The following SLC24A2 variants were observed in gnomAD, a reference collection of about 807,000 sequenced individuals.
SLC24A2 encodes solute carrier family 24 member 2.
A neutral mutation model predicts 62.0 loss-of-function variants in SLC24A2; 36 were observed. The ratio of observed to expected loss-of-function variants is 0.58; its 90% CI spans 0.44 to 0.77. The LOEUF is 0.77. Ranked by LOEUF, SLC24A2 falls within the 30% of genes least tolerant of loss-of-function variation. SLC24A2 has a pLI of 0.00. For synonymous variants in SLC24A2, 358 were observed against 294.0 expected (o/e 1.22, Z -2.23); for missense variants, 846 against 817.9 (o/e 1.03, Z -0.42).
At chr9:20,180,340 T>C in the SLC24A2 span, among the ~76,000 whole-genome samples, 268 of 152,312 alleles carry the variant, frequency 1.8e-3, 3 homozygotes, top group African/African-American at 5.7e-3. Context: ...TATCTCTTAA[T>C]AAATGGATGT....
chr9:19,597,357 TA>T, intron 4 of SLC24A2, 78 bp from the exon 5 acceptor site: 1 of 986,474 alleles, frequency 1.0e-6, no homozygotes, highest in South Asian at 1.3e-5. Context: ...CATTTTTAAT[TA>T]ATCAGATTCA....
chr9:19,551,696 C>T (rs1834854706), intron 7 of SLC24A2, among the ~76,000 whole-genome samples: 1 of 152,200 alleles, frequency 6.6e-6, no homozygotes, highest in South Asian at 2.1e-4. Context: ...GCACCTGTGT[C>T]CCTACAGAGG....
the SLC24A2 span, among the ~76,000 whole-genome samples, chr9:20,027,988 A>C: frequency 1.3e-5 from 2 of 152,232 alleles, no homozygotes. Flanking sequence ...TCGTTAAATA[A>C]GAGAATGTGA....
the SLC24A2 span, among the ~76,000 whole-genome samples, chr9:20,057,135 T>G: frequency 6.6e-6 from 1 of 152,252 alleles, no homozygotes; most frequent in Non-Finnish European, 1.5e-5. Context: ...ACATCACCTA[T>G]ATATTCACAA....
At chr9:20,207,679 T>C in the SLC24A2 span, among the ~76,000 whole-genome samples, 2 of 152,228 alleles carry the variant, frequency 1.3e-5, no homozygotes, top group Non-Finnish European at 2.9e-5. Context: ...TGAACTGAAA[T>C]GCTTTATATC....
At chr9:19,991,862 TAA>T in the SLC24A2 span, among the ~76,000 whole-genome samples, 2 of 152,088 alleles carry the variant, frequency 1.3e-5, no homozygotes, top group African/African-American at 4.8e-5. Context: ...GAGCAAGACT[TAA>T]ACTGAGTCTT....
the SLC24A2 span, among the ~76,000 whole-genome samples, chr9:20,174,549 T>A: frequency 6.6e-6 from 1 of 151,102 alleles, no homozygotes; most frequent in African/African-American, 2.4e-5. Context: ...AGGACATGAA[T>A]AGACATTTCC....
chr9:19,688,963 T>C (rs1819964908), intron 2 of SLC24A2, among the ~76,000 whole-genome samples: 1 of 152,178 alleles, frequency 6.6e-6, no homozygotes, highest in South Asian at 2.1e-4. Flanking sequence ...CTTTAGATTC[T>C]ATGAAACAGA....
chr9:20,185,346 TTTG>T, the SLC24A2 span, among the ~76,000 whole-genome samples: 3 of 152,052 alleles, frequency 2.0e-5, no homozygotes, highest in Non-Finnish European at 4.4e-5. Flanking sequence ...TACAATATTA[TTTG>T]TTAATATAAA....
chr9:20,196,486 A>C, the SLC24A2 span, among the ~76,000 whole-genome samples: 2 of 152,214 alleles, frequency 1.3e-5, no homozygotes, highest in South Asian at 4.1e-4. Flanking sequence ...TTTAAAAATC[A>C]GTGGATTCCA....
At chr9:20,307,428 C>T in the SLC24A2 span, among the ~76,000 whole-genome samples, 1 of 152,164 alleles carries the variant, frequency 6.6e-6, no homozygotes, top group African/African-American at 2.4e-5. Flanking sequence ...CCAATTCCAC[C>T]CACATTTGGG....
intron 2 of SLC24A2, among the ~76,000 whole-genome samples, chr9:19,774,033 A>G (rs1391009419): frequency 6.6e-6 from 1 of 152,164 alleles, no homozygotes; most frequent in East Asian, 1.9e-4. Context: ...GGGAGACATC[A>G]AGAGAGAGGT....
intron 2 of SLC24A2, among the ~76,000 whole-genome samples, chr9:19,779,456 T>A (rs1384123311): frequency 1.3e-5 from 2 of 152,218 alleles, no homozygotes; most frequent in Non-Finnish European, 2.9e-5. Context: ...AATATTATTA[T>A]CGAAATTGGA....
chr9:19,833,564 A>G, the SLC24A2 span, among the ~76,000 whole-genome samples: 2 of 152,228 alleles, frequency 1.3e-5, no homozygotes. Context: ...TGAGGAGGTA[A>G]ACAAAGCAGC....
the SLC24A2 span, among the ~76,000 whole-genome samples, chr9:19,983,398 A>T: frequency 2.6e-5 from 4 of 152,218 alleles, no homozygotes; most frequent in Non-Finnish European, 5.9e-5. Flanking sequence ...TAATCCCAGC[A>T]CTTTGGGAGG....
chr9:19,671,613 G>A (rs774973314), intron 2 of SLC24A2, among the ~76,000 whole-genome samples: 4 of 152,134 alleles, frequency 2.6e-5, no homozygotes, highest in Non-Finnish European at 4.4e-5. Context: ...TAGTTAGAGT[G>A]GGCATCCTTG....
In SLC24A2 at chr9:19,509,291, ATTTC is replaced by A. The variant is rs1832622736; in HGVS notation, c.*6858_*6861del. The A allele has an allele frequency of 6.6e-6, 1 of 152,186 alleles. No individual in the cohort carries two copies. The highest frequency in any genetic ancestry group is 1.5e-5 in the Non-Finnish European group (1 of 68,008). The allele number at this position is 152,186 out of a possible 1,614,324, so 9.4% of individuals were successfully genotyped here. Reference sequence around the variant, plus strand: ...GAAGACTGCTTTTGTGAAATGAATAATTTCTTTGATTTTCAAACAGTTTTATTAA... The same window carrying A: ...GAAGACTGCTTTTGTGAAATGAATAATTTGATTTTCAAACAGTTTTATTAA... On this transcript the variant is annotated 3_prime_UTR_variant, in exon 11 of 11. Coordinates refer to ENST00000341998, the MANE Select transcript of SLC24A2 (RefSeq NM_020344.4).
Position 19,507,802 on chromosome 9 carries a change from G to A in SLC24A2, c.*8351C>T, listed in dbSNP as rs916669998. 6.6e-6 allele frequency: 1 copy of A among 152,192 alleles called. No individual in the cohort carries two copies. Among genetic ancestry groups the A allele is most frequent in the African/African-American group, 2.4e-5 (1 of 41,442 alleles). The allele number at this position is 152,192 out of a possible 1,614,324, so 9.4% of individuals were successfully genotyped here. A position where few individuals can be genotyped will look rare whatever the true frequency, so the allele number is the denominator to read the frequency against. On this transcript the variant is annotated 3_prime_UTR_variant, in exon 11 of 11. Coordinates refer to ENST00000341998, the MANE Select transcript of SLC24A2 (RefSeq NM_020344.4). ...TTGGAAGTGCATCCACTGGATTTTTGTAGGGATGAGGATAGGGGTTACAAT... is the reference window on the plus strand; with the variant it reads ...TTGGAAGTGCATCCACTGGATTTTTATAGGGATGAGGATAGGGGTTACAAT...
At chr9:19,801,403 A>T in the SLC24A2 span, among the ~76,000 whole-genome samples, 7 of 152,238 alleles carry the variant, frequency 4.6e-5, no homozygotes, top group Non-Finnish European at 1.5e-5. Flanking sequence ...GATGGAAGTC[A>T]GCGGCGGGTC....
Sources: allele counts gnomAD v4.1 joint callset (sites outside exome capture counted in the v4.1 genomes callset), GRCh38; gene constraint gnomAD v4.1.1; transcripts MANE v1.5; gene names NCBI Gene and HGNC (gene_info 2026-07-23, HGNC 2026-07-21).